ITPK1: variants seen among roughly 807,000 people sequenced by gnomAD.
ITPK1 encodes inositol 1,3,4-trisphosphate 5/6-kinase.
In ITPK1, 21 loss-of-function variants were observed where a neutral mutation model predicts 45.3. The observed-to-expected ratio is 0.46, with a 90% confidence interval of 0.33 to 0.67. ITPK1 has a LOEUF of 0.67. Among genes scored for constraint, ITPK1 ranks in the 30% least tolerant of loss-of-function variants. The probability of loss-of-function intolerance (pLI) is 0.02; values close to 1 mark genes in which losing one functional copy is unlikely to be tolerated. For synonymous variants in ITPK1, 258 were observed against 253.6 expected, an observed-to-expected ratio of 1.02 and a Z score of -0.16; for missense variants, 474 against 573.5, an observed-to-expected ratio of 0.83 and a Z score of 1.77.
intron 5 of ITPK1, 31 bp downstream of exon 5, chr14:92,993,849 G>T: frequency 7.0e-7 from 1 of 1,426,680 alleles, no homozygotes; most frequent in Non-Finnish European, 9.9e-7. Flanking sequence ...GTGGCTGCCT[G>T]CCACGGATGT....
At chr14:93,018,297 C>T (rs1483935792) in intron 3 of ITPK1, among the ~76,000 whole-genome samples, 1 of 152,106 alleles carries the variant, frequency 6.6e-6, no homozygotes, top group African/African-American at 2.4e-5. Flanking sequence ...GCTCCAGGTA[C>T]ATTTTTGGTC....
At chr14:93,007,473 T>C (rs1887681504) in intron 4 of ITPK1, among the ~76,000 whole-genome samples, 2 of 151,838 alleles carry the variant, frequency 1.3e-5, no homozygotes, top group Non-Finnish European at 2.9e-5. Context: ...GGTTTGCAAA[T>C]GTGACTCACA....
chr14:93,060,868 T>C (rs1029375457), intron 3 of ITPK1, among the ~76,000 whole-genome samples: 6 of 152,070 alleles, frequency 3.9e-5, no homozygotes, highest in Non-Finnish European at 7.3e-5. Flanking sequence ...GAATAATAAA[T>C]AGATCCCATC....
At chr14:93,083,354 C>A (rs76764069) in intron 2 of ITPK1, among the ~76,000 whole-genome samples, 1,573 of 152,162 alleles carry the variant, frequency 0.01, 24 homozygotes, top group African/African-American at 0.036. Flanking sequence ...GCTTTCATAT[C>A]CGTTAAAAGG....
chr14:92,964,609 G>A (rs891200559), intron 5 of ITPK1, among the ~76,000 whole-genome samples: 1 of 152,216 alleles, frequency 6.6e-6, no homozygotes, highest in Non-Finnish European at 1.5e-5. Flanking sequence ...ATTTAAACTG[G>A]AGGGTTCTGC....
intron 3 of ITPK1, among the ~76,000 whole-genome samples, chr14:93,055,787 C>T (rs1468689188): frequency 6.6e-6 from 1 of 152,194 alleles, no homozygotes; most frequent in Non-Finnish European, 1.5e-5. Flanking sequence ...CTACCACTCC[C>T]CGGGCAGAGA....
At chr14:93,053,201 G>A (rs1378007384) in intron 3 of ITPK1, among the ~76,000 whole-genome samples, 1 of 151,822 alleles carries the variant, frequency 6.6e-6, no homozygotes, top group East Asian at 1.9e-4. Context: ...CTCACAAGCA[G>A]GGTCAACATC....
intron 8 of ITPK1, among the ~76,000 whole-genome samples, chr14:92,952,285 T>A (rs565645808): frequency 6.6e-6 from 1 of 152,190 alleles, no homozygotes; most frequent in Non-Finnish European, 1.5e-5. Context: ...TGGTTTTCCC[T>A]GAGGCCCTGT....
rs1056657156 is a variant in ITPK1 at position 92,941,628 on chromosome 14, G to A, written c.1178C>T (p.Ala393Val). The part of the protein sequence containing the change: ...KLPHQRLGCN[A>V]GVSPSFQQHC... ...CTGCTGGAAGCTGGGCGACACGCCGGCGTTGCAGCCGAGTCTCTGGTGCGG... is the reference window on the plus strand; with the variant it reads ...CTGCTGGAAGCTGGGCGACACGCCGACGTTGCAGCCGAGTCTCTGGTGCGG... Residue 393 changes from alanine (A) to valine (V), a missense_variant, in exon 11 of 11, where the codon GCC becomes GTC. Coordinates refer to ENST00000267615, the MANE Select transcript of ITPK1 (RefSeq NM_014216.6). 2 of 1,538,812 alleles carry A rather than the reference G, an allele frequency of 1.3e-6. No individual in the cohort carries two copies. The highest frequency in any genetic ancestry group is 1.4e-5 in the African/African-American group (1 of 72,574).
Position 93,034,281 on chromosome 14 carries a change from C to A in ITPK1, c.121-17480G>T, listed in dbSNP as rs1889213866. On this transcript the variant is annotated intron_variant, in intron 3 of 10. Coordinates refer to ENST00000267615, the MANE Select transcript of ITPK1 (RefSeq NM_014216.6). The surrounding 1 kb of genome is among the most constrained non-coding windows in gnomAD (Gnocchi z 4.1). Reference sequence around the variant, plus strand: ...ACCCACCCCCAACACTCCCCCACCCCCTGTCGGAGCAGGAAGATGCTCTGG... The same window carrying A: ...ACCCACCCCCAACACTCCCCCACCCACTGTCGGAGCAGGAAGATGCTCTGG... Among the ~76,000 whole-genome samples the A allele has an allele frequency of 1.3e-5, 2 of 151,676 alleles. No individual in the cohort carries two copies. The highest frequency in any genetic ancestry group is 6.6e-5 in the Admixed American group (1 of 15,218).
At chr14:93,051,548 G>A (rs1435046008) in intron 3 of ITPK1, among the ~76,000 whole-genome samples, 4 of 127,016 alleles carry the variant, frequency 3.1e-5, no homozygotes, top group Non-Finnish European at 5.4e-5. Flanking sequence ...CCTGGGAGGC[G>A]GAGATTGCAG....
intron 9 of ITPK1, among the ~76,000 whole-genome samples, chr14:92,946,907 G>A (rs1425310170): frequency 2.0e-5 from 3 of 152,044 alleles, no homozygotes; most frequent in Admixed American, 1.3e-4. Context: ...TCAGGGACCC[G>A]GGAAGACATG....
intron 3 of ITPK1, among the ~76,000 whole-genome samples, chr14:93,052,125 C>T (rs1890040738): frequency 6.6e-6 from 1 of 152,218 alleles, no homozygotes; most frequent in Admixed American, 6.5e-5. Flanking sequence ...AATCCCAGCT[C>T]TGCCATTTAA....
intron 5 of ITPK1, among the ~76,000 whole-genome samples, chr14:92,965,657 C>A (rs1885305387): frequency 6.6e-6 from 1 of 152,226 alleles, no homozygotes; most frequent in African/African-American, 2.4e-5. Context: ...AGCAAGGTTG[C>A]AGGATACAAG....
At chr14:93,104,781 G>A (rs1892456317) in intron 2 of ITPK1, among the ~76,000 whole-genome samples, 2 of 152,206 alleles carry the variant, frequency 1.3e-5, no homozygotes, top group South Asian at 2.1e-4. Flanking sequence ...AGGGGGCAGA[G>A]AGGAAGCAAC....
chr14:93,094,190 T>C (rs2140010925), intron 2 of ITPK1, among the ~76,000 whole-genome samples: 1 of 152,300 alleles, frequency 6.6e-6, no homozygotes, highest in South Asian at 2.1e-4. Context: ...CTCCTCTCTC[T>C]TCCCTGCCTA....
intron 3 of ITPK1, among the ~76,000 whole-genome samples, chr14:93,031,870 T>C (rs1356118944): frequency 6.6e-6 from 1 of 152,202 alleles, no homozygotes; most frequent in Non-Finnish European, 1.5e-5. Flanking sequence ...CAAAGAATTC[T>C]CCAAGTCAAA....
At chr14:93,013,763 A>T (rs1888034263) in intron 4 of ITPK1, among the ~76,000 whole-genome samples, 1 of 152,290 alleles carries the variant, frequency 6.6e-6, no homozygotes, top group South Asian at 2.1e-4. Flanking sequence ...CTCCTTGTTA[A>T]TGTCTAGAGA....
chr14:92,962,492 C>A lies in ITPK1; in HGVS notation c.464-97G>T, dbSNP rs1364755660. 9 of 873,080 alleles carry A rather than the reference C, an allele frequency of 1.0e-5. No homozygotes were observed. In the East Asian group the frequency reaches 1.7e-4, roughly 16 times the overall value. The allele number at this position is 873,080 out of a possible 1,614,324, so 54.1% of individuals were successfully genotyped here. On this transcript the variant is annotated intron_variant, in intron 6 of 10. Transcript: ENST00000267615. ...GTCTAGAAAGGAACTCTAGCTGAGA[C>A]ACAGACTCTGGACACCTGGTATCTG...
Sources: gnomAD v4.1 joint callset for allele counts (sites outside exome capture counted in the v4.1 genomes callset) on GRCh38, gnomAD v4.1.1 for gene constraint, Gnocchi (gnomAD v3.1) non-coding constraint, MANE v1.5 for transcripts, NCBI Gene and HGNC (gene_info 2026-07-23, HGNC 2026-07-21) for gene names.